Variants in MED13L observed in about 807,000 individuals in gnomAD.
MED13L encodes the protein mediator of RNA polymerase II transcription subunit 13-like.
In MED13L, 7 loss-of-function variants were observed where a neutral mutation model predicts 220.9. That is an observed-to-expected ratio of 0.03 (90% CI 0.02 to 0.06). MED13L has a LOEUF of 0.06. Ranked by LOEUF, MED13L falls within the 10% of genes least tolerant of loss-of-function variation. The pLI, the probability that MED13L is intolerant of heterozygous loss-of-function variation, is 1.00. For missense variants in MED13L, 1,965 were observed against 2,760.5 expected, an observed-to-expected ratio of 0.71 and a Z score of 6.46; for synonymous variants, 1,011 against 1,015.2, an observed-to-expected ratio of 1.00 and a Z score of 0.08.
intron 2 of MED13L, among the ~76,000 whole-genome samples, chr12:116,191,582 A>G (rs559469689): frequency 2.6e-5 from 4 of 152,206 alleles, no homozygotes; most frequent in Admixed American, 2.6e-4. Context: ...CACCCACCTC[A>G]GCCTCCCAAA....
intron 2 of MED13L, among the ~76,000 whole-genome samples, chr12:116,140,871 T>TC (rs1877009195): frequency 6.6e-6 from 1 of 152,226 alleles, no homozygotes; most frequent in African/African-American, 2.4e-5. Flanking sequence ...GTCATCACAT[T>TC]TAATCTAATT....
intron 4 of MED13L, among the ~76,000 whole-genome samples, chr12:116,086,968 T>A (rs1406482216): frequency 6.6e-6 from 1 of 152,164 alleles, no homozygotes; most frequent in Non-Finnish European, 1.5e-5. Context: ...AAAATCAGTA[T>A]ACGATATGAC....
At chr12:116,050,560 G>A (rs1243152588) in intron 4 of MED13L, among the ~76,000 whole-genome samples, 1 of 152,038 alleles carries the variant, frequency 6.6e-6, no homozygotes, top group Non-Finnish European at 1.5e-5. Flanking sequence ...CTTAGAAGAT[G>A]GTAATTCTTT....
At chr12:116,225,125 C>T (rs1221965258) in intron 2 of MED13L, among the ~76,000 whole-genome samples, 1 of 152,236 alleles carries the variant, frequency 6.6e-6, no homozygotes, top group Non-Finnish European at 1.5e-5. Context: ...GACCCCAGGA[C>T]ATCCCATTAA....
chr12:116,001,307 C>T (rs946119941), intron 14 of MED13L, among the ~76,000 whole-genome samples: 1 of 152,122 alleles, frequency 6.6e-6, no homozygotes, highest in African/African-American at 2.4e-5. Flanking sequence ...AGTGATTCTC[C>T]TGCCTCAGCC....
intron 23 of MED13L, among the ~76,000 whole-genome samples, chr12:115,976,743 C>A (rs1446210089): frequency 6.6e-6 from 1 of 152,068 alleles, no homozygotes; most frequent in Non-Finnish European, 1.5e-5. Flanking sequence ...TTTTTTACAG[C>A]CATCATAATA....
chr12:116,093,163 T>A (rs1281005049), intron 4 of MED13L, among the ~76,000 whole-genome samples: 2 of 152,148 alleles, frequency 1.3e-5, no homozygotes, highest in African/African-American at 4.8e-5. Flanking sequence ...CCGGTTTGTT[T>A]TAAAACATAT....
chr12:116,064,140 G>A (rs990970606), intron 4 of MED13L, among the ~76,000 whole-genome samples: 2 of 151,588 alleles, frequency 1.3e-5, no homozygotes, highest in Admixed American at 1.3e-4. Flanking sequence ...AGTGAGCCAC[G>A]AATGTGCCAC....
chr12:116,043,804 A>C (rs1031621135), intron 4 of MED13L, among the ~76,000 whole-genome samples: 4 of 152,222 alleles, frequency 2.6e-5, no homozygotes, highest in Admixed American at 6.5e-5. Flanking sequence ...GATGATGCTC[A>C]AACAGTGGGG....
intron 2 of MED13L, among the ~76,000 whole-genome samples, chr12:116,223,364 A>T (rs1245515380): frequency 1.3e-5 from 2 of 152,322 alleles, no homozygotes; most frequent in South Asian, 2.1e-4. Flanking sequence ...TTCAATTTTT[A>T]AAAAACTTTT....
intron 4 of MED13L, among the ~76,000 whole-genome samples, chr12:116,066,475 CG>C (rs1022754916): frequency 5.9e-5 from 9 of 152,076 alleles, no homozygotes; most frequent in African/African-American, 2.2e-4. Flanking sequence ...TGTTAAATAT[CG>C]TATGTTCTTC....
At chr12:116,096,593 T>C (rs1477461357) in intron 4 of MED13L, 76 bp downstream of exon 4, 13 of 1,060,770 alleles carry the variant, frequency 1.2e-5, no homozygotes, top group Non-Finnish European at 1.9e-5. Flanking sequence ...TATTAGGAAA[T>C]AAATAAATCA....
chr12:116,176,143 G>C (rs1463497024), intron 2 of MED13L, among the ~76,000 whole-genome samples: 2 of 151,860 alleles, frequency 1.3e-5, no homozygotes, highest in Non-Finnish European at 2.9e-5. Flanking sequence ...AAGAAAGCTA[G>C]ACTACCTGGA....
intron 1 of MED13L, 153 bp downstream of exon 1, chr12:116,276,907 C>G: frequency 1.0e-6 from 1 of 1,001,966 alleles, no homozygotes; most frequent in Non-Finnish European, 1.5e-6. Flanking sequence ...AGAGACGATC[C>G]AAAAGGGGGA....
At chr12:116,250,047 A>AAAAAAC (rs1871392276) in intron 1 of MED13L, among the ~76,000 whole-genome samples, 1 of 149,732 alleles carries the variant, frequency 6.7e-6, no homozygotes, top group African/African-American at 2.4e-5. Context: ...AAAAAAAAAA[A>AAAAAAC]AACACACCAA....
At chr12:116,074,838 G>T (rs1318592165) in intron 4 of MED13L, among the ~76,000 whole-genome samples, 1 of 152,242 alleles carries the variant, frequency 6.6e-6, no homozygotes, top group Non-Finnish European at 1.5e-5. Flanking sequence ...GCCCCTTAGG[G>T]CAAGTATGCA....
chr12:116,230,403 A>G (rs1489728759), intron 2 of MED13L: 4 of 855,062 alleles, frequency 4.7e-6, no homozygotes, highest in Non-Finnish European at 5.6e-6. Context: ...CCGTCTCAAC[A>G]ACAATAAAAA....
intron 2 of MED13L, among the ~76,000 whole-genome samples, chr12:116,143,925 A>G (rs1282545865): frequency 6.6e-6 from 1 of 152,228 alleles, no homozygotes; most frequent in Non-Finnish European, 1.5e-5. Flanking sequence ...GATTGGCTAA[A>G]AGAGACCACA....
intron 17 of MED13L, among the ~76,000 whole-genome samples, chr12:115,987,589 A>T (rs1161844432): frequency 6.6e-6 from 1 of 152,176 alleles, no homozygotes; most frequent in Non-Finnish European, 1.5e-5. Context: ...AAACCATGGA[A>T]ATCTGTTTCC....
Sources: allele counts gnomAD v4.1 joint callset (sites outside exome capture counted in the v4.1 genomes callset), GRCh38; gene constraint gnomAD v4.1.1; transcripts MANE v1.5; gene names NCBI Gene and HGNC (gene_info 2026-07-23, HGNC 2026-07-21).